Variants in TLE1 observed in about 807,000 individuals in gnomAD.
TLE1 encodes the protein TLE family member 1, transcriptional corepressor.
In TLE1, 21 loss-of-function variants were observed where a neutral mutation model predicts 89.8. The observed-to-expected ratio is 0.23, with a 90% CI of 0.17 to 0.34. The LOEUF (loss-of-function observed/expected upper bound fraction) is 0.34. Ranked by LOEUF, TLE1 falls within the 10% of genes least tolerant of loss-of-function variation. TLE1 has a pLI of 1.00. For missense variants in TLE1, 795 were observed against 1,031.2 expected, an observed-to-expected ratio of 0.77 and a Z score of 3.14; for synonymous variants, 447 against 407.6, an observed-to-expected ratio of 1.10 and a Z score of -1.16.
In TLE1 at chr9:81,585,806, C is replaced by G. The variant is rs904775520; in HGVS notation, c.1978-151G>C. ...GAGGTCCACAGGGCAAGTGATCTAACGCAGATGAACCAAGTGTCAAAACCT... is the reference window on the plus strand; with the variant it reads ...GAGGTCCACAGGGCAAGTGATCTAAGGCAGATGAACCAAGTGTCAAAACCT... On this transcript the variant is annotated intron_variant, in intron 17 of 19. Coordinates refer to ENST00000376499, the MANE Select transcript of TLE1 (RefSeq NM_005077.5). The G allele has an allele frequency of 3.4e-4, 302 of 889,432 alleles. 2 individuals are homozygous for G. In the East Asian group the frequency reaches 8.1e-3, roughly 24 times the overall value. 55.1% of individuals were successfully genotyped at this position (889,432 alleles called of 1,614,324 possible). A position where few individuals can be genotyped will look rare whatever the true frequency, so the allele number is the denominator to read the frequency against.
intron 8 of TLE1, among the ~76,000 whole-genome samples, chr9:81,628,529 C>T (rs995870662): frequency 3.3e-5 from 5 of 152,096 alleles, no homozygotes; most frequent in Non-Finnish European, 7.3e-5. Flanking sequence ...CATTTTGAGA[C>T]AAAGTGATGG....
At chr9:81,597,491 C>T (rs1335978595) in intron 14 of TLE1, among the ~76,000 whole-genome samples, 1 of 152,138 alleles carries the variant, frequency 6.6e-6, no homozygotes, top group Non-Finnish European at 1.5e-5. Context: ...CTAGAACAAA[C>T]GCCCAAAGAG....
At chr9:81,600,628 CAAAAA>C (rs35107385) in intron 14 of TLE1, among the ~76,000 whole-genome samples, 1 of 135,784 alleles carries the variant, frequency 7.4e-6, no homozygotes, top group Admixed American at 7.3e-5. Context: ...TTTAATAGAC[CAAAAA>C]AAAAAAAAAA....
intron 8 of TLE1, among the ~76,000 whole-genome samples, chr9:81,630,405 G>A (rs1826426779): frequency 6.6e-6 from 1 of 151,920 alleles, no homozygotes; most frequent in Non-Finnish European, 1.5e-5. Flanking sequence ...TTTTGCTTTG[G>A]AAAAGTTATT....
chr9:81,592,993 T>C lies in TLE1; in HGVS notation c.1581+32A>G, dbSNP rs763413555. 15 of 1,592,746 alleles carry C rather than the reference T, an allele frequency of 9.4e-6. No homozygotes were observed. In the Admixed American group the frequency reaches 1.0e-4, roughly 11 times the overall value. ...TCCTTATTGAATCTCCAGGGAGAAA[T>C]TGCCCTTGTGCACCAGTTCCTGTTC... On this transcript the variant is annotated intron_variant, in intron 15 of 19. Coordinates refer to ENST00000376499, the MANE Select transcript of TLE1 (RefSeq NM_005077.5).
chr9:81,608,135 G>T (rs926289969), intron 14 of TLE1, among the ~76,000 whole-genome samples: 2 of 152,232 alleles, frequency 1.3e-5, no homozygotes, highest in South Asian at 2.1e-4. Context: ...CATGCTGGGC[G>T]TGGTGGCTCA....
At chr9:81,668,640 G>A (rs913747001) in intron 4 of TLE1, among the ~76,000 whole-genome samples, 1 of 152,036 alleles carries the variant, frequency 6.6e-6, no homozygotes, top group East Asian at 1.9e-4. Context: ...AAAAAGTGTC[G>A]TATGGGACAG....
At chr9:81,627,375 A>G (rs1215226685) in intron 8 of TLE1, among the ~76,000 whole-genome samples, 1 of 152,026 alleles carries the variant, frequency 6.6e-6, no homozygotes, top group East Asian at 1.9e-4. Flanking sequence ...AGTGCAATAA[A>G]ACCTGAACGT....
intron 2 of TLE1, among the ~76,000 whole-genome samples, chr9:81,686,886 G>C (rs1454178438): frequency 6.6e-6 from 1 of 152,112 alleles, no homozygotes; most frequent in South Asian, 2.1e-4. Context: ...AATGTTATAA[G>C]CATCTAGCCT....
At chr9:81,654,291 C>T (rs1021054073) in intron 4 of TLE1, among the ~76,000 whole-genome samples, 2 of 152,034 alleles carry the variant, frequency 1.3e-5, no homozygotes, top group African/African-American at 2.4e-5. Context: ...AAAATCTAGG[C>T]GGTTTAAGGC....
intron 4 of TLE1, among the ~76,000 whole-genome samples, chr9:81,665,396 T>C (rs1037699338): frequency 6.6e-6 from 1 of 152,242 alleles, no homozygotes; most frequent in South Asian, 2.1e-4. Flanking sequence ...ATCTCCTCAC[T>C]TGGCAGCTCC....
chr9:81,593,254 G>A lies in TLE1; in HGVS notation c.1352C>T (p.Thr451Ile). The change falls in exon 15 of 20, where the codon ACT (threonine) becomes ATT (isoleucine). Residue 451 changes from threonine to isoleucine, a missense_variant. By Grantham distance (89) the Thr-to-Ile change is moderately conservative. Around this residue, in one of 4 missense-constraint regions of TLE1, gnomAD observed 468 missense variants for 509.1 expected, o/e 0.92. Transcript: ENST00000376499. ...GACAGGCTGCATCTGACCGTCTGCA[G>A]TAACGTGGAAGGAGTATGCACTTTT... ...GGKPAYSFHVTADGQMQPVPF... is the reference protein window; with the variant it reads ...GGKPAYSFHVIADGQMQPVPF... The A allele has an allele frequency of 6.2e-7, 1 of 1,613,864 alleles. No individual in the cohort carries two copies. The highest frequency in any genetic ancestry group is 8.5e-7 in the Non-Finnish European group (1 of 1,179,772).
rs137870053 is a variant in TLE1, at chr9:81,601,023, G to A, written c.1332-7749C>T. Among the ~76,000 whole-genome samples the A allele has an allele frequency of 1.7e-3, 256 of 152,256 alleles. 4 individuals are homozygous for A. The highest frequency in any genetic ancestry group is 5.1e-3 in the African/African-American group (211 of 41,560). Reference sequence around the variant, plus strand: ...ATGGGATTTCTCAGTCTACACAGTCGTGTGAGCCAATCCCTCCAAATAACT... The same window carrying A: ...ATGGGATTTCTCAGTCTACACAGTCATGTGAGCCAATCCCTCCAAATAACT... On this transcript the variant is annotated intron_variant, in intron 14 of 19. Transcript: ENST00000376499.
chr9:81,658,541 A>G (rs910685369), intron 4 of TLE1, among the ~76,000 whole-genome samples: 1 of 152,146 alleles, frequency 6.6e-6, no homozygotes, highest in East Asian at 1.9e-4. Context: ...AGCCAGCTTG[A>G]CTTTTGAGCC....
intron 4 of TLE1, among the ~76,000 whole-genome samples, chr9:81,659,192 G>C (rs1361722198): frequency 1.3e-5 from 2 of 152,152 alleles, no homozygotes; most frequent in Non-Finnish European, 2.9e-5. Context: ...ACAGGCGTGA[G>C]CCACCGCGCC....
chr9:81,639,098 T>C (rs1023789040), intron 6 of TLE1, among the ~76,000 whole-genome samples: 3 of 149,734 alleles, frequency 2.0e-5, no homozygotes, highest in African/African-American at 7.4e-5. Flanking sequence ...ACTTGGCTAA[T>C]TTTTTTTTAT....
intron 6 of TLE1, among the ~76,000 whole-genome samples, chr9:81,635,609 A>C (rs1400167277): frequency 1.3e-5 from 2 of 152,162 alleles, no homozygotes; most frequent in East Asian, 3.9e-4. Flanking sequence ...AATGTTAGAA[A>C]ATTCTCCAGA....
chr9:81,595,222 G>A (rs1052034813), intron 14 of TLE1, among the ~76,000 whole-genome samples: 2 of 151,966 alleles, frequency 1.3e-5, no homozygotes, highest in Admixed American at 6.6e-5. Flanking sequence ...GCAATATATC[G>A]AGTCCACATG....
At chr9:81,619,532 G>A (rs913290849) in intron 9 of TLE1, among the ~76,000 whole-genome samples, 1 of 152,200 alleles carries the variant, frequency 6.6e-6, no homozygotes, top group Non-Finnish European at 1.5e-5. Context: ...CCAGCCAGCA[G>A]GAGACACTAT....
Sources: gnomAD v4.1 joint callset for allele counts (sites outside exome capture counted in the v4.1 genomes callset) on GRCh38, gnomAD v4.1.1 for gene constraint, gnomAD v4.1.1 regional missense constraint, MANE v1.5 for transcripts, NCBI Gene and HGNC (gene_info 2026-07-23, HGNC 2026-07-21) for gene names.